Variants in CREBBP observed in about 807,000 individuals in gnomAD.
The protein encoded by CREBBP is CREB-binding protein.
In CREBBP, 19 loss-of-function variants were observed where a neutral mutation model predicts 265.0. That is an observed-to-expected ratio of 0.07 (90% CI 0.05 to 0.11). The LOEUF (loss-of-function observed/expected upper bound fraction) is 0.11, where lower values mean the gene tolerates loss of function less well. Among genes scored for constraint, CREBBP ranks in the 10% least tolerant of loss-of-function variants. The pLI is 1.00. For synonymous variants in CREBBP, 1,457 were observed against 1,223.7 expected, an observed-to-expected ratio of 1.19 and a Z score of -3.98; for missense variants, 2,525 against 3,219.0, an observed-to-expected ratio of 0.78 and a Z score of 5.22.
chr16:3,850,860 C>T lies in CREBBP; in HGVS notation c.235G>A (p.Gly79Ser), dbSNP rs752992134. The T allele has an allele frequency of 8.7e-6, 14 of 1,614,030 alleles. No individual in the cohort carries two copies. Among genetic ancestry groups the T allele is most frequent in the South Asian group, 1.1e-5 (1 of 91,086 alleles). ...CCTATTCCTGGGTTGATACTAGAGCCGCTGCCTCCTCGTAGAAGCTCCGAC... is the reference window on the plus strand; with the variant it reads ...CCTATTCCTGGGTTGATACTAGAGCTGCTGCCTCCTCGTAGAAGCTCCGAC... ...QLSELLRGGSGSSINPGIGNV... is the reference protein window; with the variant it reads ...QLSELLRGGSSSSINPGIGNV... Residue 79 changes from glycine to serine, a missense_variant, in exon 2 of 31, where the codon GGC becomes AGC. Around this residue, in one of 19 missense-constraint regions of CREBBP, gnomAD observed 356 missense variants for 340.4 expected, o/e 1.05. Transcript: ENST00000262367.
intron 2 of CREBBP, among the ~76,000 whole-genome samples, chr16:3,842,829 G>A (rs1295192180): frequency 2.6e-5 from 4 of 151,898 alleles, no homozygotes; most frequent in African/African-American, 9.7e-5. Flanking sequence ...AGCCGGGCGT[G>A]GTGGCGGGCG....
At chr16:3,785,265 C>T (rs767234150) in intron 5 of CREBBP, among the ~76,000 whole-genome samples, 4 of 152,196 alleles carry the variant, frequency 2.6e-5, no homozygotes, top group African/African-American at 9.6e-5. Flanking sequence ...CTCCTGTACC[C>T]GCTTGTCTTT....
At position 3,731,768 on chromosome 16, in the gene CREBBP, A is replaced by G. The variant is rs754477466; in HGVS notation, c.4890+8T>C. The stretch of plus-strand genomic sequence containing the variant: ...AGGCACGGCTGCAGCACCGCAGCCC[A>G]CGCCTACCTCCTTGTGCTTCTCCAT... On this transcript the variant is annotated splice_region_variant and intron_variant, in intron 29 of 30. Transcript: ENST00000262367. This position sits in a 1 kb window ranked among gnomAD's most constrained non-coding sequence, Gnocchi z 7.7. 25 of 1,614,068 alleles carry G rather than the reference A, an allele frequency of 1.5e-5. No homozygotes were observed. In the East Asian group the frequency reaches 2.2e-4, roughly 14 times the overall value.
intron 2 of CREBBP, among the ~76,000 whole-genome samples, chr16:3,837,688 C>A (rs2054483203): frequency 6.6e-6 from 1 of 151,042 alleles, no homozygotes; most frequent in African/African-American, 2.4e-5. Context: ...AGAATAAGTA[C>A]AAATACGTTT....
intron 3 of CREBBP, among the ~76,000 whole-genome samples, chr16:3,799,650 A>C (rs1348534193): frequency 6.6e-6 from 1 of 152,244 alleles, no homozygotes; most frequent in Non-Finnish European, 1.5e-5. Context: ...AAACTGGAAA[A>C]AATTCTAAAT....
chr16:3,729,858 A>T lies in CREBBP; in HGVS notation c.5189T>A (p.Ile1730Asn), dbSNP rs2151312669. 1 of 1,602,178 alleles carries T rather than the reference A, an allele frequency of 6.2e-7. No individual in the cohort carries two copies. The change falls in exon 31 of 31, where the codon ATC (isoleucine) becomes AAC (asparagine). Residue 1730 changes from isoleucine to asparagine, a missense_variant. Around this residue, in one of 19 missense-constraint regions of CREBBP, gnomAD observed 62 missense variants for 156.2 expected, o/e 0.40. Coordinates refer to ENST00000262367, the MANE Select transcript of CREBBP (RefSeq NM_004380.3). ...CTVCEDYDLC[I>N]NCYNTKSHAH... ...ATGGCTCTTCGTGTTATAGCAGTTG[A>T]TGCAGAGGTCGTAGTCCTGCAAGCA... is the stretch of plus-strand genomic sequence containing the variant.
intron 11 of CREBBP, among the ~76,000 whole-genome samples, chr16:3,776,668 C>T (rs1055047516): frequency 2.0e-5 from 3 of 152,226 alleles, no homozygotes; most frequent in South Asian, 2.1e-4. Context: ...GCTTCTTTCT[C>T]GGACTCTTCC....
rs967502018 is a variant in CREBBP at position 3,757,682 on chromosome 16, T to C, written c.3609+127A>G. ...CCATCACATCGCTTCAGGCATCAAC[T>C]GTGTCACCAGACAGCAGATTGCACA... is the stretch of plus-strand genomic sequence containing the variant. On this transcript the variant is annotated intron_variant, in intron 18 of 30. Transcript: ENST00000262367. The C allele has an allele frequency of 8.8e-6, 12 of 1,361,934 alleles. No individual in the cohort carries two copies. In the African/African-American group the frequency reaches 1.6e-4, roughly 18 times the overall value. The allele number at this position is 1,361,934 out of a possible 1,614,324, so 84.4% of individuals were successfully genotyped here. A position where few individuals can be genotyped will look rare whatever the true frequency, so the allele number is the denominator to read the frequency against.
rs1403079355 is a variant in CREBBP, at chr16:3,862,044, G to C, written c.86-11035C>G. On this transcript the variant is annotated intron_variant, in intron 1 of 30. Transcript: ENST00000262367. Reference sequence around the variant, plus strand: ...GCTCAGGGGCCCTCACTCGGTGCAGGACCGGCTGGGTTTGAGATAGAATAG... The same window carrying C: ...GCTCAGGGGCCCTCACTCGGTGCAGCACCGGCTGGGTTTGAGATAGAATAG... 3.9e-5 allele frequency among the ~76,000 whole-genome samples: 6 copies of C among 152,184 alleles called. No individual in the cohort carries two copies. In the East Asian group the frequency reaches 1.2e-3, roughly 29 times the overall value.
rs555002850 is a variant in CREBBP, at chr16:3,875,232, C to T, written c.85+4600G>A. On this transcript the variant is annotated intron_variant, in intron 1 of 30. Coordinates refer to ENST00000262367, the MANE Select transcript of CREBBP (RefSeq NM_004380.3). ...TCCATCTTCTGAAGGCCCTCTAAGGCGCCCTGCACATGACTTGTCCTTGCC... is the reference window on the plus strand; with the variant it reads ...TCCATCTTCTGAAGGCCCTCTAAGGTGCCCTGCACATGACTTGTCCTTGCC... Among the ~76,000 whole-genome samples the T allele has an allele frequency of 5.1e-4, 77 of 152,310 alleles. 1 individual carries two copies. In the South Asian group the frequency reaches 5.2e-3, roughly 10 times the overall value.
chr16:3,771,352 AG>A (rs1477826676), intron 13 of CREBBP, among the ~76,000 whole-genome samples: 1 of 152,012 alleles, frequency 6.6e-6, no homozygotes, highest in African/African-American at 2.4e-5. Context: ...TACAGGCGTG[AG>A]CCACCGCGCC....
intron 26 of CREBBP, among the ~76,000 whole-genome samples, chr16:3,737,455 CTT>C (rs111941103): frequency 3.2e-4 from 45 of 142,322 alleles, no homozygotes; most frequent in Admixed American, 4.2e-4. Flanking sequence ...TTTCTTTTTT[CTT>C]TTTTTTTTTT....
At chr16:3,861,277 T>A (rs969523644) in intron 1 of CREBBP, among the ~76,000 whole-genome samples, 3 of 151,996 alleles carry the variant, frequency 2.0e-5, no homozygotes, top group African/African-American at 2.4e-5. Flanking sequence ...CCCAAAAAAA[T>A]AAATAAATAA....
At chr16:3,775,052 G>A (rs544548325) in intron 11 of CREBBP, among the ~76,000 whole-genome samples, 24 of 152,138 alleles carry the variant, frequency 1.6e-4, no homozygotes, top group Admixed American at 1.5e-3. Flanking sequence ...AGGGTGAGGA[G>A]GTGCCCTGAA....
rs2054755628 is a variant in CREBBP, at chr16:3,849,433, GTGTGTGTGTGTGTGTGTGTGTGTGTGT to G, written c.798+837_798+863del. Among the ~76,000 whole-genome samples the G allele has an allele frequency of 9.8e-4, 14 of 14,332 alleles. No individual in the cohort carries two copies. In the East Asian group the frequency reaches 0.052, roughly 53 times the overall value. The allele number at this position is 14,332 out of a possible 152,430, so 9.4% of individuals were successfully genotyped here. A position where few individuals can be genotyped will look rare whatever the true frequency, so the allele number is the denominator to read the frequency against. On this transcript the variant is annotated intron_variant, in intron 2 of 30. Coordinates refer to ENST00000262367, the MANE Select transcript of CREBBP (RefSeq NM_004380.3). ...TGTGTGTGTGTGTGTGTGTGTGTGT[GTGTGTGTGTGTGTGTGTGTGTGTGTGT>G]GTGTGTGTGTGTGTGTGTGTGTGTG...
At chr16:3,740,665 G>A (rs930045657) in intron 23 of CREBBP, 116 bp from the exon 24 acceptor site, 22 of 1,199,780 alleles carry the variant, frequency 1.8e-5, no homozygotes, top group African/African-American at 6.0e-5. Context: ...AAGGACTAAT[G>A]TTCTCCAAAC....
At chr16:3,822,972 G>T (rs751817466) in intron 2 of CREBBP, among the ~76,000 whole-genome samples, 1 of 152,130 alleles carries the variant, frequency 6.6e-6, no homozygotes, top group Non-Finnish European at 1.5e-5. Context: ...ATAAGGAACC[G>T]CTGGTACCAC....
chr16:3,839,091 T>C lies in CREBBP; in HGVS notation c.798+11206A>G, dbSNP rs114955876. ...GAGATTATTATCCATTTTTAATTGA[T>C]AGAACAATTCTCAATGGCAGCTACT... On this transcript the variant is annotated intron_variant, in intron 2 of 30. Transcript: ENST00000262367. Among the ~76,000 whole-genome samples, 388 of 152,342 alleles carry C rather than the reference T, an allele frequency of 2.5e-3. 1 individual carries two copies. The highest frequency in any genetic ancestry group is 8.7e-3 in the African/African-American group (362 of 41,580).
intron 2 of CREBBP, among the ~76,000 whole-genome samples, chr16:3,828,621 C>A (rs966693432): frequency 2.0e-5 from 3 of 152,060 alleles, no homozygotes; most frequent in African/African-American, 7.2e-5. Flanking sequence ...AAAACCTGAC[C>A]CACACACAGA....
Sources: gnomAD v4.1 joint callset for allele counts (sites outside exome capture counted in the v4.1 genomes callset) on GRCh38, gnomAD v4.1.1 for gene constraint, gnomAD v4.1.1 regional missense constraint, Gnocchi (gnomAD v3.1) non-coding constraint, MANE v1.5 for transcripts, NCBI Gene and HGNC (gene_info 2026-07-23, HGNC 2026-07-21) for gene names.